Variants in SDK1 observed in about 807,000 individuals in gnomAD.
SDK1 encodes the protein sidekick cell adhesion molecule 1.
A neutral mutation model predicts 245.5 loss-of-function variants in SDK1; 157 were observed. That is an observed-to-expected ratio of 0.64 (90% confidence interval 0.56 to 0.73). The LOEUF (loss-of-function observed/expected upper bound fraction) is 0.73, where lower values mean the gene tolerates loss of function less well. SDK1 is among the 30% of genes least tolerant of loss of function. The pLI is 0.00. For synonymous variants in SDK1, 1,647 were observed against 1,278.5 expected (o/e 1.29, Z -6.15); for missense variants, 3,583 against 3,002.3 (o/e 1.19, Z -4.52).
intron 4 of SDK1, among the ~76,000 whole-genome samples, chr7:3,767,176 G>A (rs1389392756): frequency 2.6e-5 from 4 of 152,134 alleles, no homozygotes; most frequent in Non-Finnish European, 5.9e-5. Flanking sequence ...ACACTGGAGG[G>A]CTGACTCCTG....
intron 3 of SDK1, among the ~76,000 whole-genome samples, chr7:3,639,537 A>G (rs762804558): frequency 7.9e-5 from 12 of 152,192 alleles, no homozygotes; most frequent in African/African-American, 1.2e-4. Context: ...CAAAAGGTAC[A>G]TGGATAGTGA....
chr7:4,141,370 C>T (rs1188398255), intron 28 of SDK1, among the ~76,000 whole-genome samples: 1 of 152,218 alleles, frequency 6.6e-6, no homozygotes, highest in Non-Finnish European at 1.5e-5. Flanking sequence ...CTTTGAACAA[C>T]ATCTTCATTT....
At chr7:3,317,542 C>A (rs1779693831) in intron 1 of SDK1, among the ~76,000 whole-genome samples, 2 of 149,574 alleles carry the variant, frequency 1.3e-5, no homozygotes, top group African/African-American at 2.5e-5. Flanking sequence ...TGGGTGCCTG[C>A]CAGGAGGGCG....
At chr7:3,931,598 G>A (rs1197204778) in intron 5 of SDK1, among the ~76,000 whole-genome samples, 1 of 152,182 alleles carries the variant, frequency 6.6e-6, no homozygotes, top group Non-Finnish European at 1.5e-5. Flanking sequence ...TCAGGCATGT[G>A]GGGTACACCC....
At chr7:3,580,753 GGTC>G (rs1780453383) in intron 1 of SDK1, among the ~76,000 whole-genome samples, 2 of 152,016 alleles carry the variant, frequency 1.3e-5, no homozygotes, top group Non-Finnish European at 2.9e-5. Context: ...CGGAGCATGA[GGTC>G]AAGAGATTGA....
chr7:4,177,074 A>G (rs983415555), intron 34 of SDK1, among the ~76,000 whole-genome samples: 2 of 152,250 alleles, frequency 1.3e-5, no homozygotes, highest in Non-Finnish European at 2.9e-5. Context: ...GTGTTCAGGC[A>G]TTCTGTAGGG....
intron 1 of SDK1, among the ~76,000 whole-genome samples, chr7:3,406,437 C>G (rs1562467718): frequency 6.6e-6 from 1 of 152,100 alleles, no homozygotes; most frequent in African/African-American, 2.4e-5. Flanking sequence ...TTTTTCCTCT[C>G]CAATGGACTG....
intron 1 of SDK1, among the ~76,000 whole-genome samples, chr7:3,568,908 T>G (rs147531942): frequency 6.6e-6 from 1 of 152,240 alleles, no homozygotes; most frequent in Non-Finnish European, 1.5e-5. Flanking sequence ...AAAGGAATTA[T>G]AGGCAATTTG....
intron 43 of SDK1, among the ~76,000 whole-genome samples, chr7:4,244,688 G>A (rs1786734762): frequency 1.3e-5 from 2 of 152,214 alleles, no homozygotes. Context: ...CTCTGCTCAG[G>A]GCCTTGCATG....
chr7:3,828,582 G>A (rs927661176), intron 5 of SDK1, among the ~76,000 whole-genome samples: 3 of 151,042 alleles, frequency 2.0e-5, no homozygotes, highest in Admixed American at 6.6e-5. Flanking sequence ...TCCAAGAGAA[G>A]GTTTGTTTTG....
chr7:4,125,489 TGATGGATG>T (rs138042822), intron 25 of SDK1, among the ~76,000 whole-genome samples: 4 of 146,416 alleles, frequency 2.7e-5, no homozygotes, highest in South Asian at 2.2e-4. Context: ...ATGGATTGAT[TGATGGATG>T]GATGGATGGA....
chr7:3,962,858 A>T lies in SDK1; in HGVS notation c.1429+7A>T. Reference sequence around the variant, plus strand: ...ACCTACCTGGATGTAACCAGTGAGTACACCCAGGCCCACAGCTACCTGACC... The same window carrying T: ...ACCTACCTGGATGTAACCAGTGAGTTCACCCAGGCCCACAGCTACCTGACC... On this transcript the variant is annotated splice_region_variant and intron_variant, in intron 9 of 44. Coordinates refer to ENST00000404826, the MANE Select transcript of SDK1 (RefSeq NM_152744.4). 1 of 1,607,524 alleles carries T rather than the reference A, an allele frequency of 6.2e-7. No homozygotes were observed. Among genetic ancestry groups the T allele is most frequent in the East Asian group, 2.2e-5 (1 of 44,724 alleles).
At chr7:4,248,384 TACACATATGC>T (rs755798118) in intron 44 of SDK1, among the ~76,000 whole-genome samples, 20 of 146,784 alleles carry the variant, frequency 1.4e-4, no homozygotes, top group Admixed American at 2.7e-4. Flanking sequence ...TACACCTAAA[TACACATATGC>T]ACACATATGT....
chr7:3,774,362 A>G (rs907174649), intron 4 of SDK1, among the ~76,000 whole-genome samples: 2 of 152,198 alleles, frequency 1.3e-5, no homozygotes, highest in African/African-American at 4.8e-5. Flanking sequence ...AAAAGCAGCA[A>G]TCAGTGATAA....
At chr7:3,394,192 A>G (rs542349323) in intron 1 of SDK1, among the ~76,000 whole-genome samples, 2 of 152,114 alleles carry the variant, frequency 1.3e-5, no homozygotes, top group African/African-American at 4.8e-5. Context: ...TCTCTCCTCT[A>G]CTTCTCCCCC....
At chr7:3,467,910 T>G (rs771779989) in intron 1 of SDK1, among the ~76,000 whole-genome samples, 13 of 152,180 alleles carry the variant, frequency 8.5e-5, no homozygotes, top group African/African-American at 2.7e-4. Context: ...TAGAGATCTT[T>G]TATGTAGTTA....
chr7:3,690,502 C>G (rs569681122), intron 4 of SDK1, among the ~76,000 whole-genome samples: 11 of 151,776 alleles, frequency 7.2e-5, no homozygotes, highest in African/African-American at 2.2e-4. Context: ...AAAATAAACC[C>G]ACTGGATAGC....
chr7:3,617,251 G>A (rs912323318), intron 1 of SDK1, among the ~76,000 whole-genome samples: 9 of 152,146 alleles, frequency 5.9e-5, no homozygotes, highest in African/African-American at 2.2e-4. Context: ...ATATTTATTA[G>A]CTATCCCCTT....
intron 22 of SDK1, among the ~76,000 whole-genome samples, chr7:4,088,414 T>C (rs544870143): frequency 1.3e-5 from 2 of 152,310 alleles, no homozygotes; most frequent in African/African-American, 2.4e-5. Context: ...ACAATCTTTG[T>C]TTTGTCACTC....
Sources: gnomAD v4.1 joint callset for allele counts (sites outside exome capture counted in the v4.1 genomes callset) on GRCh38, gnomAD v4.1.1 for gene constraint, MANE v1.5 for transcripts, NCBI Gene and HGNC (gene_info 2026-07-23, HGNC 2026-07-21) for gene names.